DACH2: variants seen among roughly 807,000 people sequenced by gnomAD.
DACH2 encodes dachshund family transcription factor 2, also known as dachshund homolog 2.
In DACH2, 17 loss-of-function variants were observed where a neutral mutation model predicts 35.8. That is an observed-to-expected ratio of 0.48 (90% confidence interval 0.33 to 0.71). The LOEUF (loss-of-function observed/expected upper bound fraction) is 0.71, where lower values mean the gene tolerates loss of function less well. DACH2 is among the 30% of genes least tolerant of loss of function. The pLI is 0.02. For synonymous variants in DACH2, 195 were observed against 177.3 expected, an observed-to-expected ratio of 1.10 and a Z score of -0.79; for missense variants, 469 against 472.7, an observed-to-expected ratio of 0.99 and a Z score of 0.07.
At chrX:86,563,449 TA>T (rs1454704047) in intron 3 of DACH2, among the ~76,000 whole-genome samples, 2 of 110,794 alleles carry the variant, frequency 1.8e-5, no homozygotes, top group Non-Finnish European at 3.8e-5. Flanking sequence ...CAGCTGTGTA[TA>T]GATCCAATAA....
At chrX:86,597,460 C>T (rs899753865) in intron 3 of DACH2, among the ~76,000 whole-genome samples, 3 of 111,581 alleles carry the variant, frequency 2.7e-5, no homozygotes, top group Non-Finnish European at 5.7e-5. Context: ...TTTCAATTTC[C>T]TTATATTTCC....
intron 3 of DACH2, among the ~76,000 whole-genome samples, chrX:86,592,643 T>G (rs190573676): frequency 7.1e-5 from 8 of 112,524 alleles, no homozygotes; most frequent in African/African-American, 1.9e-4. Context: ...ATTAATTGCT[T>G]ACATCCATGA....
At chrX:86,461,571 A>G (rs905544379) in intron 2 of DACH2, among the ~76,000 whole-genome samples, 3 of 111,372 alleles carry the variant, frequency 2.7e-5, no homozygotes, top group Non-Finnish European at 5.7e-5. Flanking sequence ...TGCATCTTTA[A>G]AAGCTAAACT....
intron 7 of DACH2, among the ~76,000 whole-genome samples, chrX:86,765,829 G>A (rs370667256): frequency 1.1e-3 from 108 of 101,800 alleles, no homozygotes; most frequent in African/African-American, 3.4e-3. Flanking sequence ...TGTTGAATCC[G>A]TAAATTGCTT....
chrX:86,780,938 C>A (rs1212755162), intron 7 of DACH2, among the ~76,000 whole-genome samples: 1 of 111,382 alleles, frequency 9.0e-6, no homozygotes, highest in Non-Finnish European at 1.9e-5. Flanking sequence ...AGGCTGATGG[C>A]AGCATGGGTT....
At chrX:86,362,126 T>C (rs1185318181) in intron 1 of DACH2, among the ~76,000 whole-genome samples, 3 of 111,487 alleles carry the variant, frequency 2.7e-5, no homozygotes, top group African/African-American at 9.7e-5. Context: ...ATTTACTCAA[T>C]GTTTAGCAAA....
chrX:86,781,294 A>G (rs1454938188), intron 7 of DACH2, among the ~76,000 whole-genome samples: 1 of 111,627 alleles, frequency 9.0e-6, no homozygotes, highest in Non-Finnish European at 1.9e-5. Context: ...GCCGGGAGAT[A>G]GAATCCTTTA....
In DACH2 at chrX:86,656,307, A is replaced by C. The variant is rs908886136; in HGVS notation, c.772+5140A>C. 8.1e-5 allele frequency among the ~76,000 whole-genome samples: 9 copies of C among 110,885 alleles called. No homozygotes were observed. The Admixed American group carries it at 8.7e-4, about 11-fold the overall frequency. On this transcript the variant is annotated intron_variant, in intron 4 of 11. Transcript: ENST00000373125. ...GTTGATTACAATCTTATTGACAAAGATTTCTAAAATTAAAATTTAGAGTCC... is the reference window on the plus strand; with the variant it reads ...GTTGATTACAATCTTATTGACAAAGCTTTCTAAAATTAAAATTTAGAGTCC...
chrX:86,466,009 G>A (rs1241554639), intron 2 of DACH2, among the ~76,000 whole-genome samples: 3 of 111,543 alleles, frequency 2.7e-5, no homozygotes, highest in Non-Finnish European at 5.6e-5. Context: ...AAGTGGGAAA[G>A]GTACTGCATT....
At chrX:86,768,270 C>T (rs2041954843) in intron 7 of DACH2, among the ~76,000 whole-genome samples, 1 of 111,704 alleles carries the variant, frequency 9.0e-6, no homozygotes, top group Non-Finnish European at 1.9e-5. Flanking sequence ...TGAAAATCCT[C>T]TTAAAAATAG....
chrX:86,626,702 G>T (rs2040142358), intron 3 of DACH2, among the ~76,000 whole-genome samples: 1 of 113,213 alleles, frequency 8.8e-6, no homozygotes, highest in Non-Finnish European at 1.9e-5. Context: ...TTAACATCAT[G>T]TGGAAGCCAC....
intron 3 of DACH2, among the ~76,000 whole-genome samples, chrX:86,643,226 T>A (rs1602732878): frequency 1.0e-5 from 1 of 99,544 alleles, no homozygotes. Flanking sequence ...GCTAGACTAA[T>A]TAAGAAAGAA....
chrX:86,801,840 A>G (rs7051064), intron 7 of DACH2, among the ~76,000 whole-genome samples: 36,563 of 110,814 alleles, frequency 0.33, 4,851 homozygotes, highest in Middle Eastern at 0.43. Context: ...TTGGAAAAAT[A>G]TTTTCCTTTT....
At chrX:86,404,089 C>T (rs2036482792) in intron 2 of DACH2, among the ~76,000 whole-genome samples, 1 of 110,665 alleles carries the variant, frequency 9.0e-6, no homozygotes, top group South Asian at 3.9e-4. Context: ...GGGTCCCTTT[C>T]ACAACACGTT....
intron 5 of DACH2, among the ~76,000 whole-genome samples, chrX:86,702,005 C>T (rs1426643361): frequency 1.8e-5 from 2 of 111,385 alleles, no homozygotes; most frequent in Admixed American, 9.6e-5. Flanking sequence ...CACATATACA[C>T]CTGAACCTAA....
chrX:86,212,777 T>A (rs72633137), intron 1 of DACH2, among the ~76,000 whole-genome samples: 17,801 of 110,700 alleles, frequency 0.16, 1,332 homozygotes, highest in East Asian at 0.39. Flanking sequence ...TAAACGAACA[T>A]CAAGTGTGTA....
chrX:86,366,487 C>T (rs960019545), intron 1 of DACH2, among the ~76,000 whole-genome samples: 2 of 110,970 alleles, frequency 1.8e-5, no homozygotes, highest in African/African-American at 6.6e-5. Context: ...TAAATGACAG[C>T]CTTGATTTTA....
intron 3 of DACH2, among the ~76,000 whole-genome samples, chrX:86,612,283 A>G (rs959516727): frequency 7.5e-5 from 8 of 107,254 alleles, no homozygotes; most frequent in Non-Finnish European, 1.1e-4. Context: ...AAGCAGAAGG[A>G]TGGTACTCTT....
intron 2 of DACH2, among the ~76,000 whole-genome samples, chrX:86,475,634 G>T (rs891374583): frequency 3.6e-5 from 4 of 111,641 alleles, no homozygotes; most frequent in South Asian, 3.7e-4. Flanking sequence ...TACAAACAAT[G>T]ACAATTTGAC....
Sources: allele counts gnomAD v4.1 joint callset (sites outside exome capture counted in the v4.1 genomes callset), GRCh38; gene constraint gnomAD v4.1.1; transcripts MANE v1.5; gene names NCBI Gene and HGNC (gene_info 2026-07-23, HGNC 2026-07-21).